SORCS2: variants seen among roughly 807,000 people sequenced by gnomAD.
SORCS2 encodes the protein VPS10 domain-containing receptor SorCS2.
SORCS2 carries 100 observed loss-of-function variants against 141.6 expected under a neutral mutation model. The ratio of observed to expected loss-of-function variants is 0.71; its 90% CI spans 0.60 to 0.83. The LOEUF is 0.83. Ranked by LOEUF, SORCS2 falls within the 40% of genes least tolerant of loss-of-function variation. SORCS2 has a pLI of 0.00. For synonymous variants in SORCS2, 789 were observed against 676.9 expected, an observed-to-expected ratio of 1.17 and a Z score of -2.57; for missense variants, 1,646 against 1,560.2, an observed-to-expected ratio of 1.05 and a Z score of -0.93.
In SORCS2 at chr4:7,243,963, G is replaced by A. The variant is rs114430853; in HGVS notation, c.480+50837G>A. ...GAGCTGGGTGTGCACCAGGTGGACC[G>A]GGAGGGCCATGGCCAGAAGGAAATG... On this transcript the variant is annotated intron_variant, in intron 1 of 26. Transcript: ENST00000507866. 4.9e-3 allele frequency among the ~76,000 whole-genome samples: 750 copies of A among 152,322 alleles called. 5 individuals are homozygous for A. Among genetic ancestry groups the A allele is most frequent in the African/African-American group, 0.016 (658 of 41,576 alleles).
intron 1 of SORCS2, among the ~76,000 whole-genome samples, chr4:7,294,477 A>G (rs1187341139): frequency 2.0e-5 from 3 of 151,796 alleles, no homozygotes; most frequent in African/African-American, 7.3e-5. Flanking sequence ...GGCCTCTGAC[A>G]GTGTGCAGAG....
chr4:7,306,148 C>T (rs1269745021), intron 1 of SORCS2, among the ~76,000 whole-genome samples: 1 of 152,186 alleles, frequency 6.6e-6, no homozygotes, highest in Admixed American at 6.5e-5. Flanking sequence ...AATGAGTATC[C>T]CCAGACAGCT....
intron 2 of SORCS2, among the ~76,000 whole-genome samples, chr4:7,476,049 G>T (rs776308560): frequency 6.6e-6 from 1 of 152,182 alleles, no homozygotes; most frequent in Admixed American, 6.5e-5. Context: ...GGGGCTGAAG[G>T]CTCTCGCTGG....
intron 26 of SORCS2, among the ~76,000 whole-genome samples, chr4:7,738,996 CAG>C (rs1205750476): frequency 6.6e-6 from 1 of 152,210 alleles, no homozygotes; most frequent in Admixed American, 6.5e-5. Context: ...GGAAACATCA[CAG>C]GACCCAGGTA....
intron 1 of SORCS2, among the ~76,000 whole-genome samples, chr4:7,266,021 G>C (rs1714702112): frequency 6.6e-6 from 1 of 152,260 alleles, no homozygotes; most frequent in African/African-American, 2.4e-5. Flanking sequence ...CTGTCTCCCT[G>C]TTCTCCTTTC....
intron 10 of SORCS2, among the ~76,000 whole-genome samples, chr4:7,685,194 G>A (rs1461786263): frequency 6.6e-6 from 1 of 152,238 alleles, no homozygotes; most frequent in Non-Finnish European, 1.5e-5. Flanking sequence ...ATAGACTCTT[G>A]TCTGCGATTA....
At chr4:7,199,250 G>T (rs1353882339) in intron 1 of SORCS2, among the ~76,000 whole-genome samples, 1 of 152,222 alleles carries the variant, frequency 6.6e-6, no homozygotes, top group Non-Finnish European at 1.5e-5. Context: ...CCAAAGCGGG[G>T]TGGGGGCAGA....
chr4:7,597,458 A>G (rs937275168), intron 3 of SORCS2, among the ~76,000 whole-genome samples: 2 of 133,450 alleles, frequency 1.5e-5, no homozygotes, highest in Non-Finnish European at 3.1e-5. Context: ...GCAATAGGGA[A>G]GAGGACTATC....
At chr4:7,373,478 A>ATATATATATATATATATTTTTTTTTT (rs1470691140) in intron 1 of SORCS2, among the ~76,000 whole-genome samples, 1 of 36,824 alleles carries the variant, frequency 2.7e-5, no homozygotes, top group African/African-American at 1.6e-4. Context: ...ATATATATAT[A>ATATATATATATATATATTTTTTTTTT]TTTTTTTTTT....
intron 25 of SORCS2, among the ~76,000 whole-genome samples, chr4:7,734,915 C>T (rs922234746): frequency 6.6e-6 from 1 of 152,164 alleles, no homozygotes; most frequent in Non-Finnish European, 1.5e-5. Flanking sequence ...CTGCTTGTGC[C>T]GAGGCTGGGG....
chr4:7,314,887 A>C (rs1286292537), intron 1 of SORCS2, among the ~76,000 whole-genome samples: 1 of 145,460 alleles, frequency 6.9e-6, no homozygotes, highest in African/African-American at 2.6e-5. Flanking sequence ...GTTGGAGTGC[A>C]GTGGTGCAAT....
chr4:7,644,671 T>C (rs564720098), intron 4 of SORCS2, among the ~76,000 whole-genome samples: 16 of 152,184 alleles, frequency 1.1e-4, no homozygotes, highest in African/African-American at 3.4e-4. Flanking sequence ...CCAGAAACCA[T>C]AGAAGACACT....
chr4:7,593,873 CAGA>C (rs1447866041), intron 3 of SORCS2, among the ~76,000 whole-genome samples: 2 of 152,178 alleles, frequency 1.3e-5, no homozygotes, highest in African/African-American at 4.8e-5. Flanking sequence ...GGAGCCCTGG[CAGA>C]AGAAGGCGCT....
chr4:7,241,836 C>CGT (rs771077042), intron 1 of SORCS2, among the ~76,000 whole-genome samples: 19 of 152,124 alleles, frequency 1.2e-4, no homozygotes, highest in South Asian at 2.1e-4. Context: ...CATCTGTGTG[C>CGT]GTGTGTGTGT....
chr4:7,453,216 G>A (rs1245042126), intron 2 of SORCS2, among the ~76,000 whole-genome samples: 2 of 129,064 alleles, frequency 1.5e-5, no homozygotes, highest in East Asian at 2.6e-4. Context: ...GTCAGGCGCT[G>A]TGTTGGGGTT....
chr4:7,695,586 TGGTG>T (rs1560490153), intron 11 of SORCS2, among the ~76,000 whole-genome samples: 104 of 2,086 alleles, frequency 0.05, 6 homozygotes, highest in Non-Finnish European at 0.061. Context: ...ATGGATGGAT[TGGTG>T]GGTGGGTGGG....
At chr4:7,523,520 T>A (rs1041720195) in intron 2 of SORCS2, among the ~76,000 whole-genome samples, 2 of 152,030 alleles carry the variant, frequency 1.3e-5, no homozygotes, top group African/African-American at 4.8e-5. Flanking sequence ...GGTTTGGAGT[T>A]GATCTGAGGG....
chr4:7,230,681 T>G (rs908308055), intron 1 of SORCS2, among the ~76,000 whole-genome samples: 1 of 92,736 alleles, frequency 1.1e-5, no homozygotes, highest in African/African-American at 3.9e-5. Context: ...TCTTCGAGTC[T>G]CTGGGCAGGA....
chr4:7,611,183 G>C (rs1055277623), intron 3 of SORCS2, among the ~76,000 whole-genome samples: 2 of 152,220 alleles, frequency 1.3e-5, no homozygotes, highest in East Asian at 3.9e-4. Context: ...AAAGACTTTA[G>C]CTGGTAAAGG....
Sources: allele counts gnomAD v4.1 joint callset (sites outside exome capture counted in the v4.1 genomes callset), GRCh38; gene constraint gnomAD v4.1.1; transcripts MANE v1.5; gene names NCBI Gene and HGNC (gene_info 2026-07-23, HGNC 2026-07-21).